Variants in CAMK2D observed in about 807,000 individuals in gnomAD.
The protein encoded by CAMK2D is calcium/calmodulin dependent protein kinase II delta.
Under a neutral mutation model 84.0 loss-of-function variants are expected in CAMK2D, and 37 were observed. That is an observed-to-expected ratio of 0.44 (90% CI 0.34 to 0.58). The LOEUF is 0.58. Among genes scored for constraint, CAMK2D ranks in the 20% least tolerant of loss-of-function variants. CAMK2D has a pLI of 0.02. For missense variants in CAMK2D, 448 were observed against 652.5 expected (o/e 0.69, Z 3.41); for synonymous variants, 202 against 212.5 (o/e 0.95, Z 0.43).
intron 2 of CAMK2D, among the ~76,000 whole-genome samples, chr4:113,695,785 T>C (rs2099400802): frequency 6.6e-6 from 1 of 152,114 alleles, no homozygotes. Flanking sequence ...GTAACCAGAT[T>C]GACCCCATTG....
chr4:113,462,290 GTGTGTCTGTCTGTC>G (rs1422877067), intron 17 of CAMK2D, among the ~76,000 whole-genome samples: 9 of 91,676 alleles, frequency 9.8e-5, no homozygotes, highest in South Asian at 4.0e-4. Flanking sequence ...GTGTGTGTGT[GTGTGTCTGTCTGTC>G]TGTCTGTCTG....
At chr4:113,626,569 T>C (rs1183590821) in intron 3 of CAMK2D, among the ~76,000 whole-genome samples, 11 of 152,178 alleles carry the variant, frequency 7.2e-5, no homozygotes, top group Admixed American at 7.2e-4. Context: ...TGTGGGACAA[T>C]AGGGTTTCAG....
chr4:113,719,184 A>G (rs1193173803), intron 2 of CAMK2D, among the ~76,000 whole-genome samples: 1 of 152,156 alleles, frequency 6.6e-6, no homozygotes. Context: ...ATAGGAAGCC[A>G]TTGATTTGGA....
chr4:113,601,546 T>A (rs1208032775), intron 4 of CAMK2D, among the ~76,000 whole-genome samples: 2 of 152,082 alleles, frequency 1.3e-5, no homozygotes, highest in African/African-American at 2.4e-5. Context: ...ACATTAAATT[T>A]CATTTTAAAA....
chr4:113,555,279 T>TA (rs2098656916), intron 4 of CAMK2D, among the ~76,000 whole-genome samples: 1 of 152,116 alleles, frequency 6.6e-6, no homozygotes, highest in Non-Finnish European at 1.5e-5. Context: ...ACTTGGAGAT[T>TA]AAAAGCAGTG....
intron 1 of CAMK2D, 104 bp downstream of exon 1, chr4:113,760,900 C>G: frequency 6.9e-7 from 1 of 1,458,356 alleles, no homozygotes; most frequent in Non-Finnish European, 9.6e-7. Flanking sequence ...TCCCATTCCT[C>G]TCCCAAACTC....
intron 16 of CAMK2D, among the ~76,000 whole-genome samples, chr4:113,497,269 A>G (rs911530946): frequency 1.3e-5 from 2 of 152,216 alleles, no homozygotes; most frequent in African/African-American, 4.8e-5. Flanking sequence ...GGTGCATTCA[A>G]ATCTCTTGAA....
rs541176733 is a variant in CAMK2D at position 113,684,512 on chromosome 4, T to C, written c.161-22740A>G. Among the ~76,000 whole-genome samples, 11 of 152,314 alleles carry C rather than the reference T, an allele frequency of 7.2e-5. No homozygotes were observed. The South Asian group carries it at 2.3e-3, about 32-fold the overall frequency. On this transcript the variant is annotated intron_variant, in intron 2 of 20. Coordinates refer to ENST00000511664, the MANE Select transcript of CAMK2D (RefSeq NM_001321571.2). ...GAAGGTAAATGACTGAAAAGAATGA[T>C]TGCTTTTTTCTTCTTTGTGTAACAG... is the stretch of plus-strand genomic sequence containing the variant.
Position 113,451,182 on chromosome 4 carries a change from GCTA to G in CAMK2D, c.*3360_*3362del, listed in dbSNP as rs1339213496. ...AAATTTCCTTAGAATATACTGATTT[GCTA>G]CTACATTTCATTTTTCCTACATTCA... is the stretch of plus-strand genomic sequence containing the variant. On this transcript the variant is annotated 3_prime_UTR_variant, in exon 21 of 21. Transcript: ENST00000511664. The G allele has an allele frequency of 6.6e-6, 1 of 152,166 alleles. No homozygotes were observed. The highest frequency in any genetic ancestry group is 1.5e-5 in the Non-Finnish European group (1 of 67,994). 9.4% of individuals were successfully genotyped at this position (152,166 alleles called of 1,614,324 possible). A position where few individuals can be genotyped will look rare whatever the true frequency, so the allele number is the denominator to read the frequency against.
At chr4:113,623,980 T>C (rs543331125) in intron 3 of CAMK2D, among the ~76,000 whole-genome samples, 12 of 152,238 alleles carry the variant, frequency 7.9e-5, no homozygotes, top group Middle Eastern at 3.4e-3. Context: ...ATTTAACTGA[T>C]AATCTATTGT....
At chr4:113,613,855 G>A (rs377462280) in intron 3 of CAMK2D, among the ~76,000 whole-genome samples, 1 of 151,742 alleles carries the variant, frequency 6.6e-6, no homozygotes, top group South Asian at 2.1e-4. Flanking sequence ...TGATAACATG[G>A]ACAAAAAGGT....
intron 2 of CAMK2D, among the ~76,000 whole-genome samples, chr4:113,715,084 C>A: frequency 6.6e-6 from 1 of 152,140 alleles, no homozygotes; most frequent in Admixed American, 6.6e-5. Flanking sequence ...TATTAGATTT[C>A]TTCTCAATTA....
chr4:113,652,143 A>G (rs549742306), intron 3 of CAMK2D, among the ~76,000 whole-genome samples: 23 of 152,332 alleles, frequency 1.5e-4, no homozygotes, highest in Middle Eastern at 3.4e-3. Flanking sequence ...TTGTCATGCC[A>G]GAATATGCAG....
intron 8 of CAMK2D, among the ~76,000 whole-genome samples, chr4:113,529,303 A>G (rs2098442625): frequency 6.6e-6 from 1 of 152,230 alleles, no homozygotes; most frequent in Non-Finnish European, 1.5e-5. Flanking sequence ...AAAGCTGACA[A>G]GAAATATAGT....
At chr4:113,498,991 G>C (rs918711105) in intron 16 of CAMK2D, among the ~76,000 whole-genome samples, 1 of 152,120 alleles carries the variant, frequency 6.6e-6, no homozygotes, top group Non-Finnish European at 1.5e-5. Flanking sequence ...TAAAGATTCA[G>C]TTTCTCCAGT....
intron 8 of CAMK2D, among the ~76,000 whole-genome samples, chr4:113,527,721 T>C (rs1293732837): frequency 6.6e-6 from 1 of 152,072 alleles, no homozygotes; most frequent in Non-Finnish European, 1.5e-5. Context: ...TTATACATTA[T>C]AAAAAAAGGT....
At chr4:113,758,024 C>T (rs897879382) in intron 2 of CAMK2D, among the ~76,000 whole-genome samples, 1 of 152,112 alleles carries the variant, frequency 6.6e-6, no homozygotes, top group Non-Finnish European at 1.5e-5. Flanking sequence ...GTATCTAGCA[C>T]ACAGAAGAAA....
chr4:113,620,791 C>A (rs1228186344), intron 3 of CAMK2D, among the ~76,000 whole-genome samples: 2 of 152,050 alleles, frequency 1.3e-5, no homozygotes, highest in Non-Finnish European at 2.9e-5. Context: ...CAGGCGTAAG[C>A]CACCACACAC....
At chr4:113,618,155 C>A (rs545099114) in intron 3 of CAMK2D, among the ~76,000 whole-genome samples, 1 of 152,224 alleles carries the variant, frequency 6.6e-6, no homozygotes, top group East Asian at 1.9e-4. Context: ...ATTACCAATA[C>A]AAAGCTGAAT....
Sources: gnomAD v4.1 joint callset for allele counts (sites outside exome capture counted in the v4.1 genomes callset) on GRCh38, gnomAD v4.1.1 for gene constraint, MANE v1.5 for transcripts, NCBI Gene and HGNC (gene_info 2026-07-23, HGNC 2026-07-21) for gene names.